The following RNF214 variants were observed in gnomAD, a reference collection of about 807,000 sequenced individuals.
RNF214 encodes the protein ring finger protein 214.
RNF214 carries 25 observed loss-of-function variants against 75.9 expected under a neutral mutation model. That is an observed-to-expected ratio of 0.33 (90% CI 0.24 to 0.46). The LOEUF (loss-of-function observed/expected upper bound fraction) is 0.46. Among genes scored for constraint, RNF214 ranks in the 20% least tolerant of loss-of-function variants. The pLI is 1.00. For missense variants in RNF214, 725 were observed against 857.5 expected, an observed-to-expected ratio of 0.85 and a Z score of 1.93; for synonymous variants, 314 against 308.8, an observed-to-expected ratio of 1.02 and a Z score of -0.18.
chr11:117,264,707 A>C (rs898351030), intron 6 of RNF214, among the ~76,000 whole-genome samples: 9 of 152,032 alleles, frequency 5.9e-5, no homozygotes, highest in South Asian at 2.1e-4. Flanking sequence ...TACTTTTTAC[A>C]TGGTATATGT....
intron 6 of RNF214, among the ~76,000 whole-genome samples, chr11:117,248,527 A>G (rs1474450270): frequency 1.3e-5 from 2 of 152,204 alleles, no homozygotes; most frequent in East Asian, 1.9e-4. Flanking sequence ...TAGCAAGCTC[A>G]TGTGCTGAAT....
chr11:117,283,432 C>G (rs2034170477), intron 14 of RNF214, among the ~76,000 whole-genome samples: 1 of 152,010 alleles, frequency 6.6e-6, no homozygotes, highest in Non-Finnish European at 1.5e-5. Flanking sequence ...GTGATCTCAG[C>G]TCACCGCAAC....
At chr11:117,237,551 G>A (rs1238846498) in intron 2 of RNF214, among the ~76,000 whole-genome samples, 1 of 152,166 alleles carries the variant, frequency 6.6e-6, no homozygotes, top group Middle Eastern at 3.2e-3. Context: ...ATTCCTGGGT[G>A]AAAGATGTGC....
At chr11:117,278,972 C>T (rs1029598749) in intron 6 of RNF214, among the ~76,000 whole-genome samples, 1 of 152,132 alleles carries the variant, frequency 6.6e-6, no homozygotes, top group Non-Finnish European at 1.5e-5. Flanking sequence ...TGGCTTGTGT[C>T]CGTAGTCCCA....
chr11:117,235,786 C>T (rs2134351025), intron 2 of RNF214, among the ~76,000 whole-genome samples: 1 of 152,198 alleles, frequency 6.6e-6, no homozygotes, highest in South Asian at 2.1e-4. Flanking sequence ...TGTACGTATT[C>T]ATGGGGGTAC....
chr11:117,266,253 T>A (rs1213668065), intron 6 of RNF214, among the ~76,000 whole-genome samples: 1 of 152,238 alleles, frequency 6.6e-6, no homozygotes, highest in Non-Finnish European at 1.5e-5. Flanking sequence ...AGTTTGACTT[T>A]GATTTGCCCA....
At chr11:117,234,413 T>C (rs778996585) in intron 2 of RNF214, 34 bp downstream of exon 2, 9 of 1,484,762 alleles carry the variant, frequency 6.1e-6, no homozygotes, top group South Asian at 1.1e-5. Context: ...GAAGATTCAT[T>C]TGGGTAAAGG....
At chr11:117,253,534 C>G (rs1053730475) in intron 6 of RNF214, among the ~76,000 whole-genome samples, 3 of 152,120 alleles carry the variant, frequency 2.0e-5, no homozygotes, top group Non-Finnish European at 2.9e-5. Context: ...CTTTTAAGCT[C>G]CCTACCTTTA....
At chr11:117,235,587 C>T (rs1215731702) in intron 2 of RNF214, among the ~76,000 whole-genome samples, 1 of 149,038 alleles carries the variant, frequency 6.7e-6, no homozygotes, top group Non-Finnish European at 1.5e-5. Flanking sequence ...CAACCTCCGT[C>T]TCCTGGGTTC....
At chr11:117,247,139 A>G (rs1253625861) in intron 6 of RNF214, among the ~76,000 whole-genome samples, 191 bp downstream of exon 6, 2 of 152,326 alleles carry the variant, frequency 1.3e-5, no homozygotes, top group East Asian at 1.9e-4. Context: ...AAGTTCAGAG[A>G]TTTATTAAAT....
intron 6 of RNF214, among the ~76,000 whole-genome samples, chr11:117,247,162 TAAC>T (rs2033245946): frequency 6.6e-6 from 1 of 152,162 alleles, no homozygotes; most frequent in Non-Finnish European, 1.5e-5. Flanking sequence ...TTTGAAATAA[TAAC>T]AGTTAATTGT....
intron 4 of RNF214, among the ~76,000 whole-genome samples, chr11:117,240,384 T>TTA (rs2033037596): frequency 1.6e-5 from 1 of 61,722 alleles, no homozygotes; most frequent in Non-Finnish European, 3.1e-5. Context: ...CAAAAAAAAT[T>TTA]AAAAAAAAAA....
At chr11:117,248,443 A>G (rs1461505928) in intron 6 of RNF214, among the ~76,000 whole-genome samples, 3 of 152,182 alleles carry the variant, frequency 2.0e-5, no homozygotes, top group Non-Finnish European at 4.4e-5. Flanking sequence ...GGTTGATTTT[A>G]TTTAAATTCT....
intron 6 of RNF214, among the ~76,000 whole-genome samples, chr11:117,262,877 A>G (rs910611341): frequency 2.0e-5 from 3 of 152,128 alleles, no homozygotes; most frequent in South Asian, 2.1e-4. Flanking sequence ...TGGCACAATC[A>G]TGGCTCACTG....
chr11:117,285,470 C>T lies in RNF214; in HGVS notation c.*319C>T, dbSNP rs971033490. 22 of 203,436 alleles carry T rather than the reference C, an allele frequency of 1.1e-4. No homozygotes were observed. The highest frequency in any genetic ancestry group is 9.9e-5 in the Non-Finnish European group (10 of 100,780). The allele number at this position is 203,436 out of a possible 1,614,324, so 12.6% of individuals were successfully genotyped here. ...GTTTTCAAATACAATATAAAAACCACCTAGGAACCTGCTGTTGCTCTAAGG... is the reference window on the plus strand; with the variant it reads ...GTTTTCAAATACAATATAAAAACCATCTAGGAACCTGCTGTTGCTCTAAGG... On this transcript the variant is annotated 3_prime_UTR_variant, in exon 15 of 15. Transcript: ENST00000300650.
In RNF214 at chr11:117,252,781, A is replaced by G. The variant is rs1461908311; in HGVS notation, c.959+5833A>G. ...CTGTTCCGCCCGCCTTGGCCTCCCA[A>G]AGTGCTGGGATTACAGGCATGAGCC... is the stretch of plus-strand genomic sequence containing the variant. On this transcript the variant is annotated intron_variant, in intron 6 of 14. Coordinates refer to ENST00000300650, the MANE Select transcript of RNF214 (RefSeq NM_207343.4). Among the ~76,000 whole-genome samples, 4 of 152,180 alleles carry G rather than the reference A, an allele frequency of 2.6e-5. No homozygotes were observed. The East Asian group carries it at 7.7e-4, about 29-fold the overall frequency.
At chr11:117,269,575 C>A (rs770029136) in intron 6 of RNF214, among the ~76,000 whole-genome samples, 1 of 152,138 alleles carries the variant, frequency 6.6e-6, no homozygotes, top group Non-Finnish European at 1.5e-5. Flanking sequence ...GTTGCCCGGG[C>A]TGGTCTCGAA....
At chr11:117,244,708 C>T in intron 5 of RNF214, 123 bp downstream of exon 5, 1 of 713,242 alleles carries the variant, frequency 1.4e-6, no homozygotes, top group Non-Finnish European at 2.1e-6. Flanking sequence ...CTCTGTCACT[C>T]AGGCTGGAAT....
chr11:117,277,585 AG>A (rs2034038880), intron 6 of RNF214, among the ~76,000 whole-genome samples: 1 of 152,250 alleles, frequency 6.6e-6, no homozygotes, highest in Non-Finnish European at 1.5e-5. Flanking sequence ...GTGAGAGGAA[AG>A]GGCCTCATAA....
Sources: allele counts gnomAD v4.1 joint callset (sites outside exome capture counted in the v4.1 genomes callset), GRCh38; gene constraint gnomAD v4.1.1; transcripts MANE v1.5; gene names NCBI Gene and HGNC (gene_info 2026-07-23, HGNC 2026-07-21).